The following WDR33 variants were observed in gnomAD, a reference collection of about 807,000 sequenced individuals.
The protein encoded by WDR33 is WD repeat domain 33.
Under a neutral mutation model 164.9 loss-of-function variants are expected in WDR33, and 47 were observed. The observed-to-expected ratio is 0.29, with a 90% CI of 0.23 to 0.36. The LOEUF is 0.36. WDR33 is among the 10% of genes least tolerant of loss of function. The probability of loss-of-function intolerance (pLI) is 1.00; values close to 1 mark genes in which losing one functional copy is unlikely to be tolerated. For synonymous variants in WDR33, 505 were observed against 589.0 expected, an observed-to-expected ratio of 0.86 and a Z score of 2.06; for missense variants, 1,137 against 1,754.1, an observed-to-expected ratio of 0.65 and a Z score of 6.28.
At position 127,769,005 on chromosome 2, in the gene WDR33, TTAAATAAA is replaced by T. The variant is rs143186338; in HGVS notation, c.205-12_205-5del. ...GGTCTCTTTGCCATATTCTGTTCTG[TTAAATAAA>T]TAAATAAATAAATAAATAAATAAAT... On this transcript the variant is annotated splice_region_variant and splice_polypyrimidine_tract_variant and intron_variant, in intron 2 of 21. Coordinates refer to ENST00000322313, the MANE Select transcript of WDR33 (RefSeq NM_018383.5). The T allele has an allele frequency of 4.9e-3, 4,423 of 910,538 alleles. 171 individuals carry two copies. In the African/African-American group the frequency reaches 0.06, roughly 12 times the overall value. The allele number at this position is 910,538 out of a possible 1,614,324, so 56.4% of individuals were successfully genotyped here. A position where few individuals can be genotyped will look rare whatever the true frequency, so the allele number is the denominator to read the frequency against.
intron 7 of WDR33, among the ~76,000 whole-genome samples, chr2:127,751,538 G>A (rs1054915242): frequency 2.7e-5 from 4 of 150,158 alleles, no homozygotes; most frequent in Admixed American, 6.6e-5. Context: ...GCAACAGAGC[G>A]AAATCCTGTC....
At chr2:127,727,433 C>T (rs375108151) in intron 7 of WDR33, among the ~76,000 whole-genome samples, 9 of 152,156 alleles carry the variant, frequency 5.9e-5, no homozygotes, top group African/African-American at 2.2e-4. Context: ...TAAATCTTCA[C>T]AAAATCCTGA....
rs966874214 is a variant in WDR33, at chr2:127,717,398, A to G, written c.2761-135T>C. The G allele has an allele frequency of 2.9e-6, 2 of 694,090 alleles. No individual in the cohort carries two copies. The highest frequency in any genetic ancestry group is 4.3e-6 in the Non-Finnish European group (2 of 460,822). The allele number at this position is 694,090 out of a possible 1,614,324, so 43.0% of individuals were successfully genotyped here. On this transcript the variant is annotated intron_variant, in intron 16 of 21. Transcript: ENST00000322313. The surrounding 1 kb of genome is among the most constrained non-coding windows in gnomAD (Gnocchi z 5.6). ...GTAAGATTACAGTAACATTGTCCTTAAATCAGGAGAAAGGAGATACTTCTT... is the reference window on the plus strand; with the variant it reads ...GTAAGATTACAGTAACATTGTCCTTGAATCAGGAGAAAGGAGATACTTCTT...
intron 1 of WDR33, among the ~76,000 whole-genome samples, chr2:127,806,494 A>C (rs1444405351): frequency 1.3e-5 from 2 of 152,140 alleles, no homozygotes; most frequent in African/African-American, 4.8e-5. Flanking sequence ...GGCGTGAGCC[A>C]CTGCGCCCGG....
Position 127,706,795 on chromosome 2 carries a change from C to G in WDR33, c.3782-243G>C, listed in dbSNP as rs1050315752. 4.6e-5 allele frequency among the ~76,000 whole-genome samples: 7 copies of G among 152,214 alleles called. No individual in the cohort carries two copies. The highest frequency in any genetic ancestry group is 1.7e-4 in the African/African-American group (7 of 41,450). On this transcript the variant is annotated intron_variant, in intron 21 of 21. Coordinates refer to ENST00000322313, the MANE Select transcript of WDR33 (RefSeq NM_018383.5). This position sits in a 1 kb window ranked among gnomAD's most constrained non-coding sequence, Gnocchi z 5.1. The stretch of plus-strand genomic sequence containing the variant: ...GATCCATGCCCCCAGGGCTGTGTGA[C>G]AGACGACAGGAAGCCAAGAGATGAG...
Position 127,738,005 on chromosome 2 carries a change from T to C in WDR33, c.725-11228A>G. 6.8e-6 allele frequency: 11 copies of C among 1,612,806 alleles called. No homozygotes were observed. The highest frequency in any genetic ancestry group is 9.3e-6 in the Non-Finnish European group (11 of 1,179,494). ...CTAAACTTTGTCCACCTACTGTTAT[T>C]CACCTCTTGACAGAAAGGAAGTAAC... is the stretch of plus-strand genomic sequence containing the variant. On this transcript the variant is annotated intron_variant, in intron 7 of 21. Transcript: ENST00000322313. This position sits in a 1 kb window ranked among gnomAD's most constrained non-coding sequence, Gnocchi z 4.4.
At chr2:127,715,842 G>A (rs906412011) in intron 17 of WDR33, among the ~76,000 whole-genome samples, 1 of 152,218 alleles carries the variant, frequency 6.6e-6, no homozygotes, top group Non-Finnish European at 1.5e-5. Flanking sequence ...ATGGGGCGGC[G>A]GCGGCGGTTA....
chr2:127,735,161 G>A lies in WDR33; in HGVS notation c.725-8384C>T, dbSNP rs900907501. Among the ~76,000 whole-genome samples the A allele has an allele frequency of 6.6e-6, 1 of 152,174 alleles. No individual in the cohort carries two copies. The highest frequency in any genetic ancestry group is 2.4e-5 in the African/African-American group (1 of 41,438). ...AGGCTAGAACCAGTAAGGGCAGAAG[G>A]TCTGCTTTTTGACTATTCCCTTAAA... On this transcript the variant is annotated intron_variant, in intron 7 of 21. Coordinates refer to ENST00000322313, the MANE Select transcript of WDR33 (RefSeq NM_018383.5). This position sits in a 1 kb window ranked among gnomAD's most constrained non-coding sequence, Gnocchi z 4.3.
In WDR33 at chr2:127,708,067, G is replaced by A. The variant is rs1382419381; in HGVS notation, c.3781+610C>T. On this transcript the variant is annotated intron_variant, in intron 21 of 21. Coordinates refer to ENST00000322313, the MANE Select transcript of WDR33 (RefSeq NM_018383.5). The surrounding 1 kb of genome is among the most constrained non-coding windows in gnomAD (Gnocchi z 6.7). ...GGGAGCAGCCTTCCCAGAAGCTTCC[G>A]AGCCACACCACCTATGCACCTCCCC... Among the ~76,000 whole-genome samples the A allele has an allele frequency of 2.6e-5, 4 of 152,124 alleles. No individual in the cohort carries two copies. Among genetic ancestry groups the A allele is most frequent in the African/African-American group, 7.2e-5 (3 of 41,416 alleles).
Position 127,724,739 on chromosome 2 carries a change from C to CT in WDR33, c.1085+147_1085+148insA. On this transcript the variant is annotated intron_variant, in intron 10 of 21. Coordinates refer to ENST00000322313, the MANE Select transcript of WDR33 (RefSeq NM_018383.5). The surrounding 1 kb of genome is among the most constrained non-coding windows in gnomAD (Gnocchi z 4.8). Reference sequence around the variant, plus strand: ...ACAAACAGAGGTACATTTTCTATTCCAAGCTGGATTTACAGAACTGAAAAC... The same window carrying CT: ...ACAAACAGAGGTACATTTTCTATTCCTAAGCTGGATTTACAGAACTGAAAAC... 1.2e-6 allele frequency: 1 copy of CT among 865,174 alleles called. No homozygotes were observed. The highest frequency in any genetic ancestry group is 1.9e-6 in the Non-Finnish European group (1 of 534,626). 53.6% of individuals were successfully genotyped at this position (865,174 alleles called of 1,614,324 possible).
Position 127,764,213 on chromosome 2 carries a change from T to C in WDR33, c.626+615A>G. Reference sequence around the variant, plus strand: ...TTATTGTATACATTTGCATAAGTGATGTTATCAACAGTGAATCAGAAGAAA... The same window carrying C: ...TTATTGTATACATTTGCATAAGTGACGTTATCAACAGTGAATCAGAAGAAA... On this transcript the variant is annotated intron_variant, in intron 6 of 21. Transcript: ENST00000322313. This position sits in a 1 kb window ranked among gnomAD's most constrained non-coding sequence, Gnocchi z 6.2. The C allele has an allele frequency of 9.2e-7, 1 of 1,088,862 alleles. No individual in the cohort carries two copies. Among genetic ancestry groups the C allele is most frequent in the Non-Finnish European group, 1.1e-6 (1 of 897,524 alleles). The allele number at this position is 1,088,862 out of a possible 1,614,324, so 67.5% of individuals were successfully genotyped here.
chr2:127,729,199 T>C (rs1686643717), intron 7 of WDR33, among the ~76,000 whole-genome samples: 1 of 152,240 alleles, frequency 6.6e-6, no homozygotes, highest in Admixed American at 6.5e-5. Context: ...GCGAAGTATG[T>C]GTAGCGACTC....
chr2:127,768,786 G>A (rs907718097), intron 3 of WDR33, 147 bp downstream of exon 3: 7 of 486,618 alleles, frequency 1.4e-5, no homozygotes, highest in African/African-American at 8.2e-5. Context: ...GGCTTACACA[G>A]ATGTGTTATA....
chr2:127,768,310 T>G lies in WDR33; in HGVS notation c.274-17A>C, dbSNP rs562074418. 1 of 1,498,460 alleles carries G rather than the reference T, an allele frequency of 6.7e-7. No homozygotes were observed. Among genetic ancestry groups the G allele is most frequent in the East Asian group, 2.4e-5 (1 of 42,180 alleles). The allele number at this position is 1,498,460 out of a possible 1,614,324, so 92.8% of individuals were successfully genotyped here. ...TGGGACCAGCTACAAAAAAGGAAAA[T>G]TGGGTTCTTAGAGCTCCTGATTACA... On this transcript the variant is annotated splice_polypyrimidine_tract_variant and intron_variant, in intron 3 of 21. Transcript: ENST00000322313.
chr2:127,783,835 A>T (rs1688464399), intron 1 of WDR33, among the ~76,000 whole-genome samples: 1 of 151,528 alleles, frequency 6.6e-6, no homozygotes, highest in African/African-American at 2.4e-5. Flanking sequence ...TGAATTGCTG[A>T]CCTCAAATGA....
Position 127,722,590 on chromosome 2 carries a change from C to T in WDR33, c.1518+1G>A. ...GATGAGGTGGAGTCACTTTTACTTACCTGCTGGAACTGAGCAGGAATGGGT... is the reference window on the plus strand; with the variant it reads ...GATGAGGTGGAGTCACTTTTACTTATCTGCTGGAACTGAGCAGGAATGGGT... On this transcript the variant is annotated splice_donor_variant, in intron 14 of 21. Coordinates refer to ENST00000322313, the MANE Select transcript of WDR33 (RefSeq NM_018383.5). LOFTEE classifies it high-confidence loss of function. The surrounding 1 kb of genome is among the most constrained non-coding windows in gnomAD (Gnocchi z 5.1). 6.2e-7 allele frequency: 1 copy of T among 1,612,124 alleles called. No homozygotes were observed.
chr2:127,747,355 T>C (rs1449714814), intron 7 of WDR33, among the ~76,000 whole-genome samples: 1 of 152,100 alleles, frequency 6.6e-6, no homozygotes, highest in Non-Finnish European at 1.5e-5. Flanking sequence ...AAATAGTCTT[T>C]AGGAGAAAAA....
At chr2:127,736,091 A>C in intron 7 of WDR33, 1 of 985,344 alleles carries the variant, frequency 1.0e-6, no homozygotes, top group Non-Finnish European at 1.2e-6. Flanking sequence ...TTTCTTTCCC[A>C]GTCTGAGAGC....
chr2:127,717,193 G>A lies in WDR33; in HGVS notation c.2831C>T (p.Pro944Leu). The change falls in exon 17 of 22, where the codon CCC (proline) becomes CTC (leucine). Residue 944 changes from proline to leucine, a missense_variant. Around this residue, in one of 9 missense-constraint regions of WDR33, gnomAD observed 867 missense variants for 1,073.0 expected, o/e 0.81. Coordinates refer to ENST00000322313, the MANE Select transcript of WDR33 (RefSeq NM_018383.5). This position sits in a 1 kb window ranked among gnomAD's most constrained non-coding sequence, Gnocchi z 5.6. ...LGQQGAQGRI[P>L]PLNPGQGPGP... ...AGGTCCTTGTCCGGGGTTCAGAGGG[G>A]GAATGCGACCTTGTGCTCCCTGCTG... The A allele has an allele frequency of 6.2e-7, 1 of 1,609,912 alleles. No homozygotes were observed. Among genetic ancestry groups the A allele is most frequent in the Non-Finnish European group, 8.5e-7 (1 of 1,178,044 alleles).
Sources: allele counts gnomAD v4.1 joint callset (sites outside exome capture counted in the v4.1 genomes callset), GRCh38; gene constraint gnomAD v4.1.1; regional missense constraint gnomAD v4.1.1; non-coding constraint Gnocchi (gnomAD v3.1); transcripts MANE v1.5; gene names NCBI Gene and HGNC (gene_info 2026-07-23, HGNC 2026-07-21).